The following TRDN variants were observed in gnomAD, a reference collection of about 807,000 sequenced individuals.
The protein encoded by TRDN is triadin in skeletal muscle.
Under a neutral mutation model 149.7 loss-of-function variants are expected in TRDN, and 161 were observed. The observed-to-expected ratio is 1.08, with a 90% CI of 0.95 to 1.23. The LOEUF (loss-of-function observed/expected upper bound fraction) is 1.23, where lower values mean the gene tolerates loss of function less well. Among genes scored for constraint, TRDN ranks in the 50% most tolerant of loss-of-function variants. The probability of loss-of-function intolerance (pLI) is 0.00; values close to 1 mark genes in which losing one functional copy is unlikely to be tolerated. For missense variants in TRDN, 896 were observed against 823.5 expected (o/e 1.09, Z -1.08); for synonymous variants, 294 against 250.5 (o/e 1.17, Z -1.64).
At chr6:123,294,750 C>G (rs1778135728) in intron 24 of TRDN, among the ~76,000 whole-genome samples, 2 of 152,084 alleles carry the variant, frequency 1.3e-5, no homozygotes, top group African/African-American at 4.8e-5. Context: ...TTGGGAATCC[C>G]TGTTTTGGGG....
chr6:123,421,805 C>CAAAA (rs56022131), intron 12 of TRDN, among the ~76,000 whole-genome samples: 4 of 92,648 alleles, frequency 4.3e-5, no homozygotes, highest in Admixed American at 1.2e-4. Flanking sequence ...CCTTTCTCTA[C>CAAAA]AAAAAAAAAA....
At chr6:123,457,255 G>A (rs766103875) in intron 10 of TRDN, among the ~76,000 whole-genome samples, 1 of 152,214 alleles carries the variant, frequency 6.6e-6, no homozygotes, top group Non-Finnish European at 1.5e-5. Context: ...GCATCATGGG[G>A]GAACATTCCT....
intron 3 of TRDN, 32 bp from the exon 4 acceptor site, chr6:123,547,404 GA>G: frequency 7.6e-7 from 1 of 1,321,862 alleles, no homozygotes; most frequent in Non-Finnish European, 1.0e-6. Flanking sequence ...AACAAAGTTA[GA>G]AAATATTTTA....
rs562834221 is a variant in TRDN at position 123,258,348 on chromosome 6, G to A, written c.1870+1276C>T. On this transcript the variant is annotated intron_variant, in intron 35 of 40. Transcript: ENST00000334268. ...TATTGAGTGTTTTTAGCATGAAGAG[G>A]TGTTGAATTTTGTCAAAGGCCTTTT... Among the ~76,000 whole-genome samples the A allele has an allele frequency of 1.2e-3, 186 of 152,176 alleles. 1 individual carries two copies. Among genetic ancestry groups the A allele is most frequent in the Middle Eastern group, 3.4e-3 (1 of 294 alleles).
intron 1 of TRDN, among the ~76,000 whole-genome samples, chr6:123,604,992 C>G (rs1212327419): frequency 6.6e-6 from 1 of 151,690 alleles, no homozygotes; most frequent in Admixed American, 6.6e-5. Flanking sequence ...GACAAATATG[C>G]CAAACACGTA....
At chr6:123,579,212 T>C (rs149541323) in intron 1 of TRDN, among the ~76,000 whole-genome samples, 2 of 152,304 alleles carry the variant, frequency 1.3e-5, no homozygotes, top group East Asian at 3.9e-4. Context: ...CATCATTTTC[T>C]TGTGCTGGTT....
chr6:123,612,137 T>C (rs1352569354), intron 1 of TRDN, among the ~76,000 whole-genome samples: 4 of 150,684 alleles, frequency 2.7e-5, no homozygotes, highest in African/African-American at 4.9e-5. Context: ...ACACCTGTAA[T>C]CCCAGCACTT....
chr6:123,597,215 G>A (rs746189540), intron 1 of TRDN, among the ~76,000 whole-genome samples: 165 of 152,134 alleles, frequency 1.1e-3, no homozygotes, highest in African/African-American at 3.3e-3. Flanking sequence ...CAAGACTTCC[G>A]TGGAGGAAAC....
At chr6:123,397,821 GAAAC>G in intron 12 of TRDN, among the ~76,000 whole-genome samples, 1 of 152,156 alleles carries the variant, frequency 6.6e-6, no homozygotes. Context: ...AATAGGAGGA[GAAAC>G]AAACAACAAA....
At chr6:123,460,948 A>C (rs994742049) in intron 10 of TRDN, among the ~76,000 whole-genome samples, 8 of 151,948 alleles carry the variant, frequency 5.3e-5, no homozygotes, top group African/African-American at 1.9e-4. Context: ...TATGTAACTT[A>C]TTTTTGTGTT....
intron 10 of TRDN, among the ~76,000 whole-genome samples, chr6:123,440,673 G>C: frequency 6.6e-6 from 1 of 152,104 alleles, no homozygotes; most frequent in Non-Finnish European, 1.5e-5. Flanking sequence ...CAGTATCCAA[G>C]TCTCCAAGTT....
intron 21 of TRDN, chr6:123,351,052 A>T (rs76619676): frequency 7.1e-6 from 7 of 984,596 alleles, no homozygotes; most frequent in East Asian, 1.1e-4. Context: ...GGTGTTTTAT[A>T]TCTAGTCAAT....
chr6:123,623,131 T>A (rs1457176297), intron 1 of TRDN, among the ~76,000 whole-genome samples: 1 of 152,082 alleles, frequency 6.6e-6, no homozygotes, highest in Non-Finnish European at 1.5e-5. Flanking sequence ...TTCCATTTAG[T>A]TTGTGAATCT....
At chr6:123,260,485 C>T (rs1776724651) in intron 34 of TRDN, 127 bp downstream of exon 34, 2 of 1,055,698 alleles carry the variant, frequency 1.9e-6, no homozygotes, top group Non-Finnish European at 2.6e-6. Flanking sequence ...TATGCCTGTT[C>T]TGTAGAACAG....
chr6:123,377,925 T>C (rs761792603), intron 16 of TRDN, 27 bp from the exon 17 acceptor site: 4 of 1,377,780 alleles, frequency 2.9e-6, no homozygotes, highest in Non-Finnish European at 2.0e-6. Flanking sequence ...TTGTTATTAT[T>C]ATTATCGTTA....
chr6:123,356,036 T>C (rs1032680807), intron 20 of TRDN, among the ~76,000 whole-genome samples: 1 of 151,786 alleles, frequency 6.6e-6, no homozygotes, highest in African/African-American at 2.4e-5. Flanking sequence ...TTGTTTTGAA[T>C]TTTTTAAGTA....
chr6:123,539,493 G>A (rs1197153264), intron 4 of TRDN, among the ~76,000 whole-genome samples: 1 of 152,154 alleles, frequency 6.6e-6, no homozygotes, highest in Non-Finnish European at 1.5e-5. Flanking sequence ...TGGCAGTTTT[G>A]TTTTACAGGT....
At chr6:123,354,645 A>C (rs1181177077) in intron 20 of TRDN, among the ~76,000 whole-genome samples, 1 of 151,930 alleles carries the variant, frequency 6.6e-6, no homozygotes, top group Non-Finnish European at 1.5e-5. Flanking sequence ...AATTCATCCC[A>C]GAGAAACAAA....
At chr6:123,351,528 T>C (rs1452267410) in intron 21 of TRDN, 1 of 982,070 alleles carries the variant, frequency 1.0e-6, no homozygotes, top group Non-Finnish European at 1.2e-6. Context: ...TTGGAAAACA[T>C]TTTCCATGCA....
Sources: gnomAD v4.1 joint callset for allele counts (sites outside exome capture counted in the v4.1 genomes callset) on GRCh38, gnomAD v4.1.1 for gene constraint, MANE v1.5 for transcripts, NCBI Gene and HGNC (gene_info 2026-07-23, HGNC 2026-07-21) for gene names.